The following SAMSN1 variants were observed in gnomAD, a reference collection of about 807,000 sequenced individuals.
SAMSN1 encodes SAM domain, SH3 domain and nuclear localization signals 1, also known as SAM domain-containing protein SAMSN-1.
In SAMSN1, 31 loss-of-function variants were observed where a neutral mutation model predicts 42.0. The observed-to-expected ratio is 0.74, with a 90% CI of 0.55 to 1.00. SAMSN1 has a LOEUF of 1.00. SAMSN1 is among the 50% of genes least tolerant of loss of function. The probability of loss-of-function intolerance (pLI) is 0.00; values close to 1 mark genes in which losing one functional copy is unlikely to be tolerated. For synonymous variants in SAMSN1, 178 were observed against 151.9 expected (o/e 1.17, Z -1.26); for missense variants, 464 against 439.4 (o/e 1.06, Z -0.50).
chr21:14,512,707 A>T, intron 3 of SAMSN1, 134 bp from the exon 4 acceptor site: 1 of 784,320 alleles, frequency 1.3e-6, no homozygotes, highest in Non-Finnish European at 2.0e-6. Context: ...ATACAAAAGT[A>T]GTTCATCTTC....
At chr21:14,601,998 C>T (rs889955119) in intron 6 of SAMSN1, 19 of 674,874 alleles carry the variant, frequency 2.8e-5, no homozygotes, top group Middle Eastern at 4.9e-4. Context: ...TCACAAAACA[C>T]GCAAATGCTG....
In SAMSN1 at chr21:14,516,948, A is replaced by G. The variant is rs771151013; in HGVS notation, c.223T>C (p.Trp75Arg). Residue 75 changes from tryptophan to arginine, a missense_variant, in exon 3 of 8, where the codon TGG (tryptophan) becomes CGG (arginine). Coordinates refer to ENST00000400566, the MANE Select transcript of SAMSN1 (RefSeq NM_022136.5). ...GLGKKMRAIS[W>R]TMKKKVGKKY... Reference sequence around the variant, plus strand: ...TTACCCACTTTTTTCTTCATTGTCCATGAAATAGCTCTCATTTTTTTACCC... The same window carrying G: ...TTACCCACTTTTTTCTTCATTGTCCGTGAAATAGCTCTCATTTTTTTACCC... 9.3e-6 allele frequency: 15 copies of G among 1,613,486 alleles called. No homozygotes were observed. Among genetic ancestry groups the G allele is most frequent in the African/African-American group, 1.3e-5 (1 of 75,030 alleles).
chr21:14,559,503 T>A (rs958968387), intron 2 of SAMSN1, among the ~76,000 whole-genome samples: 2 of 152,180 alleles, frequency 1.3e-5, no homozygotes, highest in Non-Finnish European at 2.9e-5. Context: ...TGTCTCTTTC[T>A]GTCTCTCTTC....
At chr21:14,562,225 G>A (rs563593697) in intron 2 of SAMSN1, among the ~76,000 whole-genome samples, 62 of 152,348 alleles carry the variant, frequency 4.1e-4, no homozygotes, top group Non-Finnish European at 7.5e-4. Flanking sequence ...GAAATGTGGA[G>A]CATGGAGTAG....
chr21:14,557,539 T>C (rs1980802908), intron 2 of SAMSN1, among the ~76,000 whole-genome samples: 1 of 152,216 alleles, frequency 6.6e-6, no homozygotes, highest in African/African-American at 2.4e-5. Flanking sequence ...TTGCTCTTTT[T>C]ACCTGGTGTT....
intron 2 of SAMSN1, among the ~76,000 whole-genome samples, chr21:14,628,307 T>C (rs1363679706): frequency 1.3e-5 from 2 of 152,152 alleles, no homozygotes; most frequent in Non-Finnish European, 2.9e-5. Context: ...AAAGAAATGA[T>C]ATTTGAGATG....
intron 7 of SAMSN1, among the ~76,000 whole-genome samples, chr21:14,492,234 C>T (rs535052782): frequency 2.6e-5 from 4 of 152,128 alleles, no homozygotes; most frequent in African/African-American, 9.7e-5. Context: ...CGTTATTGCC[C>T]TCCAAAAATG....
At position 14,539,748 on chromosome 21, in the gene SAMSN1, C is replaced by T. The variant is rs1979879863; in HGVS notation, c.57+6457G>A. 2.0e-5 allele frequency among the ~76,000 whole-genome samples: 3 copies of T among 152,124 alleles called. No individual in the cohort carries two copies. In the South Asian group the frequency reaches 6.2e-4, roughly 32 times the overall value. ...GTAATTTATAGATTCAATGCCATAC[C>T]CATCAAGCTACCAATGACTTACTCC... On this transcript the variant is annotated intron_variant, in intron 1 of 7. Coordinates refer to ENST00000400566, the MANE Select transcript of SAMSN1 (RefSeq NM_022136.5).
chr21:14,582,183 T>A, exon 2 of SAMSN1: 1 of 1,550,614 alleles, frequency 6.4e-7, no homozygotes, highest in South Asian at 1.2e-5. Flanking sequence ...TTGAGACGTG[T>A]GTGGCGAATA....
At chr21:14,582,606 C>T in intron 1 of SAMSN1, 1 of 425,742 alleles carries the variant, frequency 2.3e-6, no homozygotes, top group Non-Finnish European at 4.2e-6. Context: ...AGAAGTCATT[C>T]AATTTTATAA....
At chr21:14,601,407 T>C (rs1982427388) in intron 6 of SAMSN1, among the ~76,000 whole-genome samples, 1 of 152,156 alleles carries the variant, frequency 6.6e-6, no homozygotes, top group Non-Finnish European at 1.5e-5. Context: ...GTACCTTCTA[T>C]CCACTGCACC....
chr21:14,499,219 G>A (rs1208182286), intron 6 of SAMSN1, among the ~76,000 whole-genome samples: 1 of 152,138 alleles, frequency 6.6e-6, no homozygotes, highest in Non-Finnish European at 1.5e-5. Context: ...TGTTTTCTCA[G>A]CATGTATATT....
intron 2 of SAMSN1, among the ~76,000 whole-genome samples, chr21:14,577,238 G>GTATATA (rs767931839): frequency 0.027 from 761 of 28,012 alleles, 15 homozygotes; most frequent in Non-Finnish European, 0.036. Flanking sequence ...ATATATGTGT[G>GTATATA]TATATATATA....
At chr21:14,538,592 A>G (rs935350541) in intron 1 of SAMSN1, among the ~76,000 whole-genome samples, 4 of 152,216 alleles carry the variant, frequency 2.6e-5, no homozygotes, top group African/African-American at 9.6e-5. Context: ...AGAGTTAAAA[A>G]TGTATCCTAG....
intron 1 of SAMSN1, among the ~76,000 whole-genome samples, chr21:14,535,656 G>A (rs575697126): frequency 2.6e-5 from 4 of 152,132 alleles, no homozygotes; most frequent in African/African-American, 4.8e-5. Flanking sequence ...GACCTAATCC[G>A]TTCCTACTGG....
intron 2 of SAMSN1, among the ~76,000 whole-genome samples, chr21:14,577,048 C>CTTTT (rs991163598): frequency 0.021 from 1,128 of 54,906 alleles, 79 homozygotes; most frequent in East Asian, 0.028. Flanking sequence ...GCATCCGTTT[C>CTTTT]TTTTTTTTTT....
At chr21:14,652,090 C>A (rs1252400271) in intron 1 of SAMSN1, among the ~76,000 whole-genome samples, 1 of 82,408 alleles carries the variant, frequency 1.2e-5, no homozygotes, top group Admixed American at 1.1e-4. Context: ...GATTGAAAGA[C>A]AATTTTGTTA....
intron 2 of SAMSN1, among the ~76,000 whole-genome samples, chr21:14,574,698 A>G (rs1447465244): frequency 1.3e-5 from 2 of 152,158 alleles, no homozygotes; most frequent in East Asian, 3.8e-4. Context: ...ACACTTACAG[A>G]GAAATTACAT....
chr21:14,596,282 G>A, intron 6 of SAMSN1, among the ~76,000 whole-genome samples: 1 of 152,094 alleles, frequency 6.6e-6, no homozygotes. Context: ...TATTAAAGAG[G>A]AGATTAGATT....
Sources: gnomAD v4.1 joint callset for allele counts (sites outside exome capture counted in the v4.1 genomes callset) on GRCh38, gnomAD v4.1.1 for gene constraint, MANE v1.5 for transcripts, NCBI Gene and HGNC (gene_info 2026-07-23, HGNC 2026-07-21) for gene names.